The following CYP20A1 variants were observed in gnomAD, a reference collection of about 807,000 sequenced individuals.
CYP20A1 encodes cytochrome P450 20A1.
A neutral mutation model predicts 61.4 loss-of-function variants in CYP20A1; 61 were observed. The observed-to-expected ratio is 0.99, with a 90% confidence interval of 0.81 to 1.23. The LOEUF is 1.23. Ranked by LOEUF, CYP20A1 falls within the 50% of genes most tolerant of loss-of-function variation. The pLI, the probability that CYP20A1 is intolerant of heterozygous loss-of-function variation, is 0.00. For synonymous variants in CYP20A1, 193 were observed against 188.2 expected, an observed-to-expected ratio of 1.03 and a Z score of -0.21; for missense variants, 530 against 542.4, an observed-to-expected ratio of 0.98 and a Z score of 0.23.
chr2:203,280,211 G>T, intron 8 of CYP20A1, 98 bp downstream of exon 8: 1 of 890,714 alleles, frequency 1.1e-6, no homozygotes, highest in Non-Finnish European at 1.6e-6. Flanking sequence ...GGAGGCTGAG[G>T]TGGGAGATTG....
At position 203,239,235 on chromosome 2, in the gene CYP20A1, C is replaced by T. The variant is rs906079345; in HGVS notation, c.72+101C>T. 4 of 1,020,684 alleles carry T rather than the reference C, an allele frequency of 3.9e-6. No individual in the cohort carries two copies. In the African/African-American group the frequency reaches 4.7e-5, roughly 12 times the overall value. The allele number at this position is 1,020,684 out of a possible 1,614,324, so 63.2% of individuals were successfully genotyped here. A position where few individuals can be genotyped will look rare whatever the true frequency, so the allele number is the denominator to read the frequency against. On this transcript the variant is annotated intron_variant, in intron 1 of 12. Coordinates refer to ENST00000356079, the MANE Select transcript of CYP20A1 (RefSeq NM_177538.3). ...CCCGCTGCGGGCCGCAGGGGGCGGG[C>T]CTGAGAGGAGGGTTCGGGTTCGCTC...
At chr2:203,282,313 C>T (rs1003132901) in intron 8 of CYP20A1, among the ~76,000 whole-genome samples, 2 of 151,990 alleles carry the variant, frequency 1.3e-5, no homozygotes, top group African/African-American at 4.8e-5. Flanking sequence ...TCGTGAGCCA[C>T]CACGTCCTGC....
chr2:203,256,622 G>A (rs1377037589), intron 4 of CYP20A1, among the ~76,000 whole-genome samples: 2 of 152,128 alleles, frequency 1.3e-5, no homozygotes, highest in Admixed American at 6.6e-5. Flanking sequence ...GCCTCCCAAA[G>A]TGCTGGGATT....
chr2:203,292,649 G>A lies in CYP20A1; in HGVS notation c.1148+323G>A, dbSNP rs1018307388. On this transcript the variant is annotated intron_variant, in intron 11 of 12. Transcript: ENST00000356079. ...CATTTTTGTACTTTTTGTACAGATGGGGTTTCACCATGTTGCCCAGGCTGG... is the reference window on the plus strand; with the variant it reads ...CATTTTTGTACTTTTTGTACAGATGAGGTTTCACCATGTTGCCCAGGCTGG... Among the ~76,000 whole-genome samples, 4 of 151,936 alleles carry A rather than the reference G, an allele frequency of 2.6e-5. No individual in the cohort carries two copies. In the East Asian group the frequency reaches 7.8e-4, roughly 29 times the overall value.
chr2:203,245,927 G>C (rs2066444755), intron 2 of CYP20A1, 32 bp downstream of exon 2: 4 of 1,377,906 alleles, frequency 2.9e-6, no homozygotes, highest in Non-Finnish European at 3.1e-6. Context: ...ATTAAGTAGA[G>C]TTAATTCTTC....
Position 203,269,954 on chromosome 2 carries a change from G to A in CYP20A1, c.601-2716G>A, listed in dbSNP as rs570570082. ...TGTGTAATTCTTTTATTACTTGTGA[G>A]GTTAAACATCTTTTTGCCTTGGTGC... On this transcript the variant is annotated intron_variant, in intron 5 of 12. Transcript: ENST00000356079. Among the ~76,000 whole-genome samples the A allele has an allele frequency of 3.6e-3, 541 of 152,204 alleles. 3 individuals are homozygous for A. The highest frequency in any genetic ancestry group is 0.012 in the African/African-American group (510 of 41,530).
chr2:203,286,048 C>A (rs2068254090), intron 9 of CYP20A1, among the ~76,000 whole-genome samples: 1 of 152,160 alleles, frequency 6.6e-6, no homozygotes, highest in Admixed American at 6.5e-5. Context: ...TGGCTCACAC[C>A]TGTAATCCCA....
intron 10 of CYP20A1, 128 bp downstream of exon 10, chr2:203,290,004 G>A (rs908492970): frequency 3.7e-5 from 13 of 350,238 alleles, no homozygotes; most frequent in South Asian, 9.5e-5. Context: ...GCAATGGCGC[G>A]ATCTTGGCTC....
At chr2:203,241,444 T>C (rs2066251586) in intron 1 of CYP20A1, among the ~76,000 whole-genome samples, 1 of 152,174 alleles carries the variant, frequency 6.6e-6, no homozygotes, top group African/African-American at 2.4e-5. Flanking sequence ...CCAGACAATT[T>C]AGATACAGGA....
chr2:203,292,385 A>C (rs2068576215), intron 11 of CYP20A1, 59 bp downstream of exon 11: 3 of 1,245,780 alleles, frequency 2.4e-6, no homozygotes, highest in Admixed American at 3.4e-5. Flanking sequence ...CACGTTTTGC[A>C]TTCCTTTCCT....
chr2:203,263,563 C>G (rs779422504), intron 4 of CYP20A1, among the ~76,000 whole-genome samples: 1 of 152,164 alleles, frequency 6.6e-6, no homozygotes, highest in Non-Finnish European at 1.5e-5. Context: ...GCTGGAATTA[C>G]CGGCGTGAGC....
intron 3 of CYP20A1, 75 bp downstream of exon 3, chr2:203,246,996 C>T (rs1043995916): frequency 4.8e-5 from 69 of 1,443,870 alleles, no homozygotes; most frequent in Non-Finnish European, 6.3e-5. Context: ...CACGGTGGCT[C>T]ACACCTGTAA....
At chr2:203,296,617 T>G (rs1049980867) in intron 12 of CYP20A1, 54 bp downstream of exon 12, 2 of 1,460,262 alleles carry the variant, frequency 1.4e-6, no homozygotes, top group Non-Finnish European at 1.9e-6. Context: ...TCACTGTTGA[T>G]GAGAATGGGC....
chr2:203,301,930 T>TG lies in CYP20A1; in HGVS notation c.*5022_*5023insG, dbSNP rs1425813265. On this transcript the variant is annotated 3_prime_UTR_variant, in exon 13 of 13. Coordinates refer to ENST00000356079, the MANE Select transcript of CYP20A1 (RefSeq NM_177538.3). ...GTTAAGATTCTTTTTTTTTTTTTTT[T>TG]TTTTTTGTTTTGAGACTGAGTCCCG... 2.1e-4 allele frequency among the ~76,000 whole-genome samples: 31 copies of TG among 146,118 alleles called. No homozygotes were observed. Among genetic ancestry groups the TG allele is most frequent in the Admixed American group, 2.1e-3 (30 of 14,544 alleles).
intron 6 of CYP20A1, among the ~76,000 whole-genome samples, chr2:203,273,066 C>T (rs1485921139): frequency 3.9e-5 from 6 of 152,130 alleles, no homozygotes; most frequent in East Asian, 1.9e-4. Context: ...AGGATGGTCT[C>T]GATCTCTTGA....
chr2:203,261,939 C>T (rs950044628), intron 4 of CYP20A1, among the ~76,000 whole-genome samples: 4 of 152,064 alleles, frequency 2.6e-5, no homozygotes, highest in Non-Finnish European at 5.9e-5. Flanking sequence ...CTCCATGCTG[C>T]AGGAGGTGCT....
At chr2:203,251,817 A>ATATGTGT (rs34111991) in intron 3 of CYP20A1, 150 bp from the exon 4 acceptor site, 5 of 95,304 alleles carry the variant, frequency 5.2e-5, no homozygotes, top group South Asian at 4.4e-4. Flanking sequence ...ATATATATAT[A>ATATGTGT]AAAAATAAAA....
chr2:203,300,996 A>G lies in CYP20A1; in HGVS notation c.*4088A>G, dbSNP rs1366519505. On this transcript the variant is annotated 3_prime_UTR_variant, in exon 13 of 13. Coordinates refer to ENST00000356079, the MANE Select transcript of CYP20A1 (RefSeq NM_177538.3). ...CAGATCACCTGAAGTCAGGAGTTCAAGACCAGCCTGACCAACATGGAGAAA... is the reference window on the plus strand; with the variant it reads ...CAGATCACCTGAAGTCAGGAGTTCAGGACCAGCCTGACCAACATGGAGAAA... 6.6e-6 allele frequency among the ~76,000 whole-genome samples: 1 copy of G among 151,886 alleles called. No homozygotes were observed. Among genetic ancestry groups the G allele is most frequent in the Non-Finnish European group, 1.5e-5 (1 of 67,980 alleles).
At chr2:203,239,966 G>C (rs1229964644) in intron 1 of CYP20A1, among the ~76,000 whole-genome samples, 3 of 152,148 alleles carry the variant, frequency 2.0e-5, no homozygotes, top group African/African-American at 7.2e-5. Context: ...TGTGGTGGCG[G>C]GCGCCTGTAA....
Sources: gnomAD v4.1 joint callset for allele counts (sites outside exome capture counted in the v4.1 genomes callset) on GRCh38, gnomAD v4.1.1 for gene constraint, MANE v1.5 for transcripts, NCBI Gene and HGNC (gene_info 2026-07-23, HGNC 2026-07-21) for gene names.